The following ZNF827 variants were observed in gnomAD, a reference collection of about 807,000 sequenced individuals.
ZNF827 encodes the protein zinc finger protein 827.
ZNF827 carries 13 observed loss-of-function variants against 102.4 expected under a neutral mutation model. The ratio of observed to expected loss-of-function variants is 0.13; its 90% CI spans 0.08 to 0.20. ZNF827 has a LOEUF of 0.20. ZNF827 is among the 10% of genes least tolerant of loss of function. The probability of loss-of-function intolerance (pLI) is 1.00; values close to 1 mark genes in which losing one functional copy is unlikely to be tolerated. For missense variants in ZNF827, 1,103 were observed against 1,344.4 expected (o/e 0.82, Z 2.81); for synonymous variants, 523 against 536.2 (o/e 0.98, Z 0.34).
intron 5 of ZNF827, among the ~76,000 whole-genome samples, chr4:145,869,690 C>T (rs1011056707): frequency 2.0e-4 from 31 of 152,098 alleles, no homozygotes; most frequent in African/African-American, 7.0e-4. Context: ...CATTTAGATG[C>T]TAGTAAAGAA....
In ZNF827 at chr4:145,870,225, T is replaced by C; in HGVS notation, c.1981+20A>G. On this transcript the variant is annotated intron_variant, in intron 5 of 14. Transcript: ENST00000508784. ...AAGTGAAACTATCAGAATGTGAATA[T>C]TTTAGAATAAATCAAGTACCTGAGA... 4 of 1,611,176 alleles carry C rather than the reference T, an allele frequency of 2.5e-6. No individual in the cohort carries two copies. Among genetic ancestry groups the C allele is most frequent in the Non-Finnish European group, 3.4e-6 (4 of 1,177,964 alleles).
chr4:145,854,960 G>A (rs951086634), intron 5 of ZNF827, among the ~76,000 whole-genome samples: 3 of 152,094 alleles, frequency 2.0e-5, no homozygotes, highest in Admixed American at 6.6e-5. Context: ...TTCATCTTTC[G>A]GATATCCTCA....
chr4:145,861,847 C>T (rs889105474), intron 5 of ZNF827, among the ~76,000 whole-genome samples: 1 of 152,186 alleles, frequency 6.6e-6, no homozygotes, highest in Non-Finnish European at 1.5e-5. Flanking sequence ...TCTGGGAACA[C>T]AAGCCAATAC....
At chr4:145,804,546 G>C (rs564526951) in intron 8 of ZNF827, among the ~76,000 whole-genome samples, 1 of 152,306 alleles carries the variant, frequency 6.6e-6, no homozygotes, top group East Asian at 1.9e-4. Flanking sequence ...CATTTCCTCA[G>C]ATATTACGAG....
chr4:145,869,974 T>C (rs1023076722), intron 5 of ZNF827, among the ~76,000 whole-genome samples: 1 of 152,190 alleles, frequency 6.6e-6, no homozygotes, highest in African/African-American at 2.4e-5. Flanking sequence ...TTATGGCCTA[T>C]ATCACCTTAG....
intron 6 of ZNF827, among the ~76,000 whole-genome samples, chr4:145,849,036 G>A (rs1746261405): frequency 6.6e-6 from 1 of 152,076 alleles, no homozygotes; most frequent in South Asian, 2.1e-4. Flanking sequence ...CAAAATTAGA[G>A]GTGAGGTGTT....
intron 8 of ZNF827, among the ~76,000 whole-genome samples, chr4:145,799,591 C>A (rs563996210): frequency 6.6e-6 from 1 of 152,232 alleles, no homozygotes; most frequent in East Asian, 1.9e-4. Context: ...GCAGAGACTG[C>A]TAGCTGCCCT....
intron 1 of ZNF827, among the ~76,000 whole-genome samples, chr4:145,933,245 G>T (rs913655567): frequency 1.3e-5 from 2 of 152,134 alleles, no homozygotes; most frequent in African/African-American, 4.8e-5. Context: ...GAACAGATAG[G>T]CATTATTATC....
At chr4:145,820,187 C>G (rs1025020041) in intron 8 of ZNF827, 5 of 152,714 alleles carry the variant, frequency 3.3e-5, no homozygotes, top group Non-Finnish European at 4.4e-5. Flanking sequence ...TCTAGCACTT[C>G]CTTACCCTGT....
At position 145,904,588 on chromosome 4, in the gene ZNF827, C is replaced by T. The variant is rs886758332; in HGVS notation, c.44-1373G>A. ...CCCTGCTGTGGGAACATGCCTGGCA[C>T]GCCCATGGAACAGCACTGAAGCCAG... On this transcript the variant is annotated intron_variant, in intron 1 of 14. Coordinates refer to ENST00000508784, the MANE Select transcript of ZNF827 (RefSeq NM_001306215.2). 1.3e-4 allele frequency among the ~76,000 whole-genome samples: 20 copies of T among 152,268 alleles called. No individual in the cohort carries two copies. In the East Asian group the frequency reaches 1.7e-3, roughly 13 times the overall value.
chr4:145,825,505 A>G (rs1467585872), intron 7 of ZNF827, among the ~76,000 whole-genome samples: 1 of 152,224 alleles, frequency 6.6e-6, no homozygotes, highest in Admixed American at 6.5e-5. Context: ...GGACGTGGTG[A>G]TGCTGGTGGC....
chr4:145,794,746 G>A (rs771559849), intron 8 of ZNF827, among the ~76,000 whole-genome samples: 2 of 152,068 alleles, frequency 1.3e-5, no homozygotes, highest in South Asian at 4.1e-4. Flanking sequence ...AGTAAAGGCC[G>A]ATGGAAAAGG....
intron 7 of ZNF827, among the ~76,000 whole-genome samples, chr4:145,835,990 A>G (rs1451504133): frequency 2.0e-5 from 3 of 150,754 alleles, no homozygotes; most frequent in African/African-American, 7.3e-5. Context: ...AGTCTGTTCT[A>G]GATCTCAAAC....
chr4:145,761,165 C>T lies in ZNF827; in HGVS notation c.*451G>A, dbSNP rs1223825385. On this transcript the variant is annotated 3_prime_UTR_variant, in exon 15 of 15. Coordinates refer to ENST00000508784, the MANE Select transcript of ZNF827 (RefSeq NM_001306215.2). This position sits in a 1 kb window ranked among gnomAD's most constrained non-coding sequence, Gnocchi z 6.8. Reference sequence around the variant, plus strand: ...GGTTCCTTGGGGGCTGGACACAGGCCCTTCTTGTCCTCCTCGGGGCAGTCC... The same window carrying T: ...GGTTCCTTGGGGGCTGGACACAGGCTCTTCTTGTCCTCCTCGGGGCAGTCC... The T allele has an allele frequency of 1.6e-6, 2 of 1,289,700 alleles. No homozygotes were observed. Among genetic ancestry groups the T allele is most frequent in the Non-Finnish European group, 2.0e-6 (2 of 988,874 alleles). 79.9% of individuals were successfully genotyped at this position (1,289,700 alleles called of 1,614,324 possible).
intron 8 of ZNF827, among the ~76,000 whole-genome samples, chr4:145,794,904 A>G (rs1317403598): frequency 6.6e-6 from 1 of 152,212 alleles, no homozygotes; most frequent in Non-Finnish European, 1.5e-5. Flanking sequence ...GTTTTCAAAG[A>G]CAGGGCTTTC....
chr4:145,766,888 G>A (rs557936075), intron 11 of ZNF827, among the ~76,000 whole-genome samples: 51 of 152,312 alleles, frequency 3.3e-4, no homozygotes, highest in Middle Eastern at 6.8e-3. Flanking sequence ...ACTGCCTAGT[G>A]ATCTAGACCC....
Position 145,823,452 on chromosome 4 carries a change from A to G in ZNF827, c.2353T>C (p.Ser785Pro). 1 of 1,601,584 alleles carries G rather than the reference A, an allele frequency of 6.2e-7. No homozygotes were observed. The highest frequency in any genetic ancestry group is 8.5e-7 in the Non-Finnish European group (1 of 1,172,632). Residue 785 changes from serine to proline, a missense_variant, in exon 8 of 15, where the codon TCC (serine) becomes CCC (proline). This residue lies in a region of ZNF827 where 243 missense variants were observed against 251.6 expected (regional missense o/e 0.97). Transcript: ENST00000508784. ...GCTGATATTCTTCCGTGCAGCACGGAGTCACTGGGCAGCAGTTCTTTTGAA... is the reference window on the plus strand; with the variant it reads ...GCTGATATTCTTCCGTGCAGCACGGGGTCACTGGGCAGCAGTTCTTTTGAA... Reference protein sequence around the residue: ...SNSKELLPSDSVLHGRISAPE... With the variant: ...SNSKELLPSDPVLHGRISAPE...
intron 8 of ZNF827, among the ~76,000 whole-genome samples, chr4:145,810,303 T>C (rs941370458): frequency 3.3e-5 from 5 of 152,190 alleles, no homozygotes; most frequent in Admixed American, 1.3e-4. Flanking sequence ...TATTGCTTTA[T>C]ATTTTTAGCA....
intron 11 of ZNF827, among the ~76,000 whole-genome samples, chr4:145,766,552 C>T (rs111704545): frequency 7.2e-5 from 11 of 152,062 alleles, no homozygotes; most frequent in Non-Finnish European, 8.8e-5. Flanking sequence ...CTCCGAGTGG[C>T]GGATACAGAG....
Sources: gnomAD v4.1 joint callset for allele counts (sites outside exome capture counted in the v4.1 genomes callset) on GRCh38, gnomAD v4.1.1 for gene constraint, gnomAD v4.1.1 regional missense constraint, Gnocchi (gnomAD v3.1) non-coding constraint, MANE v1.5 for transcripts, NCBI Gene and HGNC (gene_info 2026-07-23, HGNC 2026-07-21) for gene names.